Variants in IFI16 observed in about 807,000 individuals in gnomAD.
The protein encoded by IFI16 is gamma-interferon-inducible protein 16.
In IFI16, 49 loss-of-function variants were observed where a neutral mutation model predicts 68.4. The ratio of observed to expected loss-of-function variants is 0.72; its 90% CI spans 0.57 to 0.91. IFI16 has a LOEUF of 0.91. IFI16 is among the 40% of genes least tolerant of loss of function. IFI16 has a pLI of 0.00. For synonymous variants in IFI16, 307 were observed against 315.0 expected (o/e 0.97, Z 0.27); for missense variants, 878 against 942.9 (o/e 0.93, Z 0.90).
rs1655588961 is a variant in IFI16, at chr1:159,054,900, A to C, written c.2357A>C (p.Ter786SerextTer15). The change falls in exon 12 of 12, where the codon TAA becomes TCA. Residue 786 changes from the stop codon to serine, a stop_lost. Transcript: ENST00000295809. ...SMETSPDFFF[*>S] ...GAAACTTCACCAGACTTTTTCTTCT[A>C]AAATCTGGATGTCATTGACGATAAT... The C allele has an allele frequency of 3.2e-6, 5 of 1,550,838 alleles. No homozygotes were observed. Among genetic ancestry groups the C allele is most frequent in the Non-Finnish European group, 4.4e-6 (5 of 1,125,306 alleles).
chr1:159,029,856 A>G (rs1456167952), intron 6 of IFI16, among the ~76,000 whole-genome samples: 1 of 151,664 alleles, frequency 6.6e-6, no homozygotes, highest in Non-Finnish European at 1.5e-5. Context: ...AATTTTTTGT[A>G]TTTTTAGTAG....
At chr1:159,041,958 G>C (rs915822805) in intron 7 of IFI16, among the ~76,000 whole-genome samples, 2 of 152,168 alleles carry the variant, frequency 1.3e-5, no homozygotes, top group African/African-American at 4.8e-5. Flanking sequence ...GCTTAAAAGG[G>C]ACATGTGATG....
At chr1:159,021,055 C>A (rs936727600) in intron 6 of IFI16, among the ~76,000 whole-genome samples, 4 of 152,146 alleles carry the variant, frequency 2.6e-5, no homozygotes, top group African/African-American at 9.7e-5. Flanking sequence ...AGTTTCCTTA[C>A]AGTACATGAT....
At chr1:159,041,829 G>GA (rs1360606034) in intron 7 of IFI16, among the ~76,000 whole-genome samples, 1 of 152,094 alleles carries the variant, frequency 6.6e-6, no homozygotes, top group African/African-American at 2.4e-5. Context: ...GGGGGATTTT[G>GA]AAAAAATCAT....
At chr1:159,034,014 G>A (rs1017905188) in intron 7 of IFI16, among the ~76,000 whole-genome samples, 8 of 152,128 alleles carry the variant, frequency 5.3e-5, no homozygotes, top group Non-Finnish European at 8.8e-5. Context: ...CCTTGGTAAA[G>A]AGTATTTTTA....
At chr1:159,031,052 G>A (rs1036199981) in intron 6 of IFI16, among the ~76,000 whole-genome samples, 2 of 152,092 alleles carry the variant, frequency 1.3e-5, no homozygotes, top group South Asian at 2.1e-4. Context: ...GCCAATGGAG[G>A]TATATTCCCA....
intron 7 of IFI16, among the ~76,000 whole-genome samples, chr1:159,037,395 C>T (rs1654393139): frequency 6.6e-6 from 1 of 152,154 alleles, no homozygotes; most frequent in Non-Finnish European, 1.5e-5. Flanking sequence ...GCAGGAAAGC[C>T]TTGTCCTTAC....
At position 159,045,639 on chromosome 1, in the gene IFI16, A is replaced by G. The variant is rs2793842; in HGVS notation, c.1497+175A>G. On this transcript the variant is annotated intron_variant, in intron 8 of 11. Coordinates refer to ENST00000295809, the MANE Select transcript of IFI16 (RefSeq NM_001376587.1). Reference sequence around the variant, plus strand: ...AGGTCCTATCCAAAATTAAAATTCTATTTTTATCATCTCTATTCCATAGCA... The same window carrying G: ...AGGTCCTATCCAAAATTAAAATTCTGTTTTTATCATCTCTATTCCATAGCA... 8.6e-5 allele frequency among the ~76,000 whole-genome samples: 13 copies of G among 151,428 alleles called. 2 individuals carry two copies. Among genetic ancestry groups the G allele is most frequent in the South Asian group, 8.3e-4 (4 of 4,824 alleles).
upstream of IFI16, among the ~76,000 whole-genome samples, chr1:159,001,578 T>G (rs1335210834): frequency 6.6e-6 from 1 of 152,266 alleles, no homozygotes; most frequent in East Asian, 1.9e-4. Flanking sequence ...TTAAACTACA[T>G]GAACGCCCCT....
Position 159,018,526 on chromosome 1 carries a change from G to C in IFI16, c.847G>C (p.Gly283Arg). 6.2e-7 allele frequency: 1 copy of C among 1,613,930 alleles called. No individual in the cohort carries two copies. The highest frequency in any genetic ancestry group is 8.5e-7 in the Non-Finnish European group (1 of 1,179,806). Residue 283 changes from glycine to arginine, a missense_variant, in exon 5 of 12, where the codon GGT (glycine) becomes CGT (arginine). Around this residue, in one of 4 missense-constraint regions of IFI16, gnomAD observed 443 missense variants for 421.8 expected, o/e 1.05. Coordinates refer to ENST00000295809, the MANE Select transcript of IFI16 (RefSeq NM_001376587.1). The part of the protein sequence containing the change: ...VNEESTVSEA[G>R]PNQTFEVPNK... ...TGAAGAATCTACTGTATCTGAAGCT[G>C]GTCCTAACCAAACGTTTGAGGTTCC...
chr1:159,009,718 G>C (rs768531454), upstream of IFI16, among the ~76,000 whole-genome samples: 1 of 152,184 alleles, frequency 6.6e-6, no homozygotes, highest in Non-Finnish European at 1.5e-5. Context: ...CCATATTGGT[G>C]AAGTCAGAGA....
chr1:159,033,993 T>C (rs1654166085), intron 7 of IFI16, among the ~76,000 whole-genome samples: 1 of 152,232 alleles, frequency 6.6e-6, no homozygotes, highest in Admixed American at 6.5e-5. Flanking sequence ...AAGGAAGTTA[T>C]ACTTCCTTGC....
chr1:159,046,250 T>G (rs866713767), intron 8 of IFI16, among the ~76,000 whole-genome samples: 5 of 151,298 alleles, frequency 3.3e-5, no homozygotes, highest in African/African-American at 2.4e-5. Context: ...GCTTTATAAT[T>G]ATTTCCTTAG....
intron 7 of IFI16, among the ~76,000 whole-genome samples, chr1:159,038,786 C>G (rs72709532): frequency 0.037 from 5,605 of 152,244 alleles, 115 homozygotes; most frequent in Non-Finnish European, 0.046. Context: ...TGCCCTAGTG[C>G]AATTTGGAAT....
At chr1:159,027,430 T>C (rs1339314232) in intron 6 of IFI16, among the ~76,000 whole-genome samples, 5 of 134,140 alleles carry the variant, frequency 3.7e-5, no homozygotes, top group Non-Finnish European at 7.6e-5. Flanking sequence ...TGTTAGCTAG[T>C]ATTTTGTTGA....
At chr1:159,015,059 C>T in intron 2 of IFI16, 114 bp downstream of exon 2, 2 of 1,016,906 alleles carry the variant, frequency 2.0e-6, no homozygotes, top group South Asian at 1.6e-5. Flanking sequence ...GTTTGTGACT[C>T]AACAGCTGAG....
chr1:159,016,513 G>A lies in IFI16; in HGVS notation c.382-20G>A. The A allele has an allele frequency of 6.3e-7, 1 of 1,595,864 alleles. No homozygotes were observed. The highest frequency in any genetic ancestry group is 8.5e-7 in the Non-Finnish European group (1 of 1,171,718). On this transcript the variant is annotated intron_variant, in intron 3 of 11. Transcript: ENST00000295809. ...ATTTGGCACTGAAAACGAATAACAG[G>A]AAAATCAAACCACTTTCAGAAAAGA... is the stretch of plus-strand genomic sequence containing the variant.
chr1:159,047,309 C>T (rs1655054110), intron 8 of IFI16, among the ~76,000 whole-genome samples: 1 of 150,128 alleles, frequency 6.7e-6, no homozygotes, highest in Non-Finnish European at 1.5e-5. Context: ...TTCATATTTC[C>T]CCCTATATAG....
Position 159,052,069 on chromosome 1 carries a change from T to G in IFI16, c.2056T>G (p.Phe686Val). Residue 686 changes from phenylalanine to valine, a missense_variant, in exon 10 of 12, where the codon TTT becomes GTT. Physicochemically the swap from Phe to Val is conservative, Grantham distance 50 (BLOSUM62 -1). This residue lies in a region of IFI16 where 311 missense variants were observed against 305.1 expected (regional missense o/e 1.02). Transcript: ENST00000295809. ...NQLCSQTKGS[F>V]VNGVFEVHKK... Reference sequence around the variant, plus strand: ...GCTTTGCTCACAAACTAAAGGAAGTTTTGTGAATGGGGTGTTTGAGGTACA... The same window carrying G: ...GCTTTGCTCACAAACTAAAGGAAGTGTTGTGAATGGGGTGTTTGAGGTACA... The G allele has an allele frequency of 6.2e-7, 1 of 1,613,000 alleles. No homozygotes were observed. Among genetic ancestry groups the G allele is most frequent in the Non-Finnish European group, 8.5e-7 (1 of 1,179,822 alleles).
Sources: allele counts gnomAD v4.1 joint callset (sites outside exome capture counted in the v4.1 genomes callset), GRCh38; gene constraint gnomAD v4.1.1; regional missense constraint gnomAD v4.1.1; transcripts MANE v1.5; gene names NCBI Gene and HGNC (gene_info 2026-07-23, HGNC 2026-07-21).